The following FNIP1 variants were observed in gnomAD, a reference collection of about 807,000 sequenced individuals.
The protein encoded by FNIP1 is folliculin-interacting protein 1.
A neutral mutation model predicts 124.5 loss-of-function variants in FNIP1; 40 were observed. The observed-to-expected ratio is 0.32, with a 90% CI of 0.25 to 0.42. The LOEUF (loss-of-function observed/expected upper bound fraction) is 0.42. Ranked by LOEUF, FNIP1 falls within the 10% of genes least tolerant of loss-of-function variation. The pLI, the probability that FNIP1 is intolerant of heterozygous loss-of-function variation, is 1.00. For synonymous variants in FNIP1, 472 were observed against 470.6 expected (o/e 1.00, Z -0.04); for missense variants, 1,176 against 1,403.7 (o/e 0.84, Z 2.59).
At chr5:131,741,921 T>C (rs1338133536) in intron 2 of FNIP1, among the ~76,000 whole-genome samples, 1 of 152,190 alleles carries the variant, frequency 6.6e-6, no homozygotes, top group Non-Finnish European at 1.5e-5. Flanking sequence ...TTCAGGCTGA[T>C]AACAAACTGT....
At chr5:131,682,138 T>A (rs1000178865) in intron 11 of FNIP1, among the ~76,000 whole-genome samples, 2 of 152,096 alleles carry the variant, frequency 1.3e-5, no homozygotes, top group African/African-American at 4.8e-5. Context: ...AGAAACAATG[T>A]ATAAATAAAT....
chr5:131,737,140 C>T (rs908871599), intron 2 of FNIP1, among the ~76,000 whole-genome samples: 2 of 152,146 alleles, frequency 1.3e-5, no homozygotes, highest in Non-Finnish European at 2.9e-5. Flanking sequence ...AAATTGAACC[C>T]TTTTTCCTAC....
At chr5:131,646,817 T>G (rs937497338) in intron 17 of FNIP1, among the ~76,000 whole-genome samples, 15 of 152,210 alleles carry the variant, frequency 9.9e-5, no homozygotes, top group Admixed American at 9.2e-4. Context: ...TAAATGAGTA[T>G]GTACTTATGT....
intron 1 of FNIP1, among the ~76,000 whole-genome samples, chr5:131,787,572 T>C (rs1772258588): frequency 6.6e-6 from 1 of 152,226 alleles, no homozygotes; most frequent in Non-Finnish European, 1.5e-5. Context: ...AGTTCAAATC[T>C]TAATTTCATC....
At chr5:131,789,906 T>G (rs1227743564) in intron 1 of FNIP1, among the ~76,000 whole-genome samples, 2 of 152,224 alleles carry the variant, frequency 1.3e-5, no homozygotes, top group African/African-American at 4.8e-5. Context: ...CATTCTGTAG[T>G]TTTAATACTA....
At chr5:131,671,269 A>G (rs1767740216) in intron 14 of FNIP1, among the ~76,000 whole-genome samples, 1 of 152,204 alleles carries the variant, frequency 6.6e-6, no homozygotes, top group Admixed American at 6.5e-5. Flanking sequence ...CTAAGCAGTA[A>G]GAAATCTTAT....
chr5:131,754,214 G>A (rs1453109315), intron 1 of FNIP1, among the ~76,000 whole-genome samples: 1 of 152,130 alleles, frequency 6.6e-6, no homozygotes, highest in Non-Finnish European at 1.5e-5. Context: ...TGACTTAAAA[G>A]CGTTCATTCA....
At chr5:131,716,948 A>AC (rs1181052029) in intron 5 of FNIP1, among the ~76,000 whole-genome samples, 1 of 151,860 alleles carries the variant, frequency 6.6e-6, no homozygotes, top group African/African-American at 2.4e-5. Flanking sequence ...AGAAACTACA[A>AC]CCCATTGTCT....
At chr5:131,760,703 C>T (rs1052795178) in intron 1 of FNIP1, among the ~76,000 whole-genome samples, 1 of 152,052 alleles carries the variant, frequency 6.6e-6, no homozygotes, top group Non-Finnish European at 1.5e-5. Flanking sequence ...ACTGAAAACA[C>T]GGAAGGTGAT....
At position 131,672,551 on chromosome 5, in the gene FNIP1, T is replaced by C; in HGVS notation, c.1893A>G (p.Glu631=). The change falls in exon 14 of 18, where the codon GAA becomes GAG. Residue 631 remains glutamate (E), a synonymous_variant. Coordinates refer to ENST00000510461, the MANE Select transcript of FNIP1 (RefSeq NM_133372.3). The stretch of plus-strand genomic sequence containing the variant: ...GCTCCTTAGAGCTGTTTTGAATATC[T>C]TCTCTCTCTTGTTGTGAAATGTTCT... The part of the protein sequence containing the change: ...NVENISQQER[E]DIQNSSKELL... 6.2e-7 allele frequency: 1 copy of C among 1,614,040 alleles called. No individual in the cohort carries two copies. Among genetic ancestry groups the C allele is most frequent in the Non-Finnish European group, 8.5e-7 (1 of 1,180,030 alleles).
At chr5:131,788,785 G>A (rs1196666608) in intron 1 of FNIP1, among the ~76,000 whole-genome samples, 1 of 149,258 alleles carries the variant, frequency 6.7e-6, no homozygotes, top group African/African-American at 2.5e-5. Context: ...AATAAACCCA[G>A]TGTAAAAAAC....
At chr5:131,733,138 A>G (rs572352109) in intron 2 of FNIP1, among the ~76,000 whole-genome samples, 50 of 151,970 alleles carry the variant, frequency 3.3e-4, no homozygotes, top group African/African-American at 1.1e-3. Context: ...TTTGTCTGTT[A>G]TTGGTGTATA....
chr5:131,710,912 C>A (rs1769270451), intron 6 of FNIP1, among the ~76,000 whole-genome samples: 1 of 152,150 alleles, frequency 6.6e-6, no homozygotes, highest in African/African-American at 2.4e-5. Context: ...TAAAAACAAG[C>A]TTCTGCTATA....
intron 14 of FNIP1, 54 bp downstream of exon 14, chr5:131,671,451 G>C (rs1767745349): frequency 7.4e-7 from 1 of 1,358,742 alleles, no homozygotes; most frequent in Admixed American, 2.2e-5. Context: ...AGCTAAAAAA[G>C]AGAATGGTAC....
intron 1 of FNIP1, among the ~76,000 whole-genome samples, chr5:131,749,998 CAT>C (rs1194909053): frequency 6.6e-6 from 1 of 152,108 alleles, no homozygotes; most frequent in African/African-American, 2.4e-5. Context: ...GAATAGAAAA[CAT>C]AAGATTTCCA....
chr5:131,694,328 T>C (rs1010811516), intron 11 of FNIP1, among the ~76,000 whole-genome samples: 1 of 152,302 alleles, frequency 6.6e-6, no homozygotes, highest in Non-Finnish European at 1.5e-5. Context: ...TATCTTTCGA[T>C]AGGTGAATGA....
intron 3 of FNIP1, among the ~76,000 whole-genome samples, chr5:131,728,944 G>A (rs1052658293): frequency 3.9e-5 from 6 of 152,084 alleles, no homozygotes; most frequent in African/African-American, 9.7e-5. Context: ...AGGCCCCTCC[G>A]CTGCAGGTCT....
At chr5:131,693,344 A>ATATACATATATATATG (rs1768572916) in intron 11 of FNIP1, among the ~76,000 whole-genome samples, 1 of 130,560 alleles carries the variant, frequency 7.7e-6, no homozygotes, top group African/African-American at 2.9e-5. Context: ...ATATATATAT[A>ATATACATATATATATG]TATATATATA....
intron 1 of FNIP1, among the ~76,000 whole-genome samples, chr5:131,763,737 A>G (rs1308250247): frequency 2.0e-5 from 3 of 152,228 alleles, no homozygotes; most frequent in Non-Finnish European, 4.4e-5. Context: ...ACATGTTTTA[A>G]GCTAAAAACA....
Sources: allele counts gnomAD v4.1 joint callset (sites outside exome capture counted in the v4.1 genomes callset), GRCh38; gene constraint gnomAD v4.1.1; transcripts MANE v1.5; gene names NCBI Gene and HGNC (gene_info 2026-07-23, HGNC 2026-07-21).